ATG7: variants seen among roughly 807,000 people sequenced by gnomAD.
ATG7 encodes the protein ubiquitin-like modifier-activating enzyme ATG7.
Under a neutral mutation model 82.4 loss-of-function variants are expected in ATG7, and 70 were observed. That is an observed-to-expected ratio of 0.85 (90% CI 0.70 to 1.04). The LOEUF is 1.04. Ranked by LOEUF, ATG7 falls within the 50% of genes least tolerant of loss-of-function variation. The probability of loss-of-function intolerance (pLI) is 0.00; values close to 1 mark genes in which losing one functional copy is unlikely to be tolerated. For synonymous variants in ATG7, 287 were observed against 313.0 expected (o/e 0.92, Z 0.88); for missense variants, 792 against 864.3 (o/e 0.92, Z 1.05).
chr3:11,426,847 A>G lies in ATG7; in HGVS notation c.2000A>G (p.Lys667Arg). 6.2e-7 allele frequency: 1 copy of G among 1,611,740 alleles called. No homozygotes were observed. Among genetic ancestry groups the G allele is most frequent in the South Asian group, 1.1e-5 (1 of 90,476 alleles). Residue 667 changes from lysine to arginine, a missense_variant, in exon 20 of 21, where the codon AAG (lysine) becomes AGG (arginine). Coordinates refer to ENST00000693202, the MANE Select transcript of ATG7 (RefSeq NM_001349232.2). Reference sequence around the variant, plus strand: ...CGAGAAGGATTTAACTTCCTAGCCAAGGTGTTTAATTCTTCACATTCCTTC... The same window carrying G: ...CGAGAAGGATTTAACTTCCTAGCCAGGGTGTTTAATTCTTCACATTCCTTC... ...YEREGFNFLA[K>R]VFNSSHSFLE... is the part of the protein sequence containing the mutation.
chr3:11,519,586 GTC>G (rs770260926), intron 20 of ATG7, among the ~76,000 whole-genome samples: 12 of 103,754 alleles, frequency 1.2e-4, no homozygotes, highest in Non-Finnish European at 2.1e-4. Flanking sequence ...TTGAGACGGA[GTC>G]TCTCTCTGTC....
At chr3:11,503,755 C>CAAAAAAAAAA (rs34065629) in intron 20 of ATG7, among the ~76,000 whole-genome samples, 25 of 76,914 alleles carry the variant, frequency 3.3e-4, no homozygotes, top group East Asian at 7.0e-4. Context: ...GACTCTGTCT[C>CAAAAAAAAAA]AAAAAAAAAA....
At chr3:11,558,376 G>A (rs1559848622), downstream of ATG7, 3 of 1,033,886 alleles carry the variant, frequency 2.9e-6, no homozygotes, top group African/African-American at 3.2e-5. Context: ...GGGCCCCCTT[G>A]TACGGATACC....
chr3:11,554,586 C>T (rs2125075263), intron 20 of ATG7, among the ~76,000 whole-genome samples: 1 of 152,294 alleles, frequency 6.6e-6, no homozygotes, highest in Middle Eastern at 3.4e-3. Flanking sequence ...CAGTGCAAAT[C>T]CCAGCCCTCC....
Position 11,347,877 on chromosome 3 carries a change from G to T in ATG7, c.1126G>T (p.Gly376Cys), listed in dbSNP as rs761834298. ...ACCATGATCTCCTGTTTCCACACAGGGTTGGGGCGTGAGACACATCACATT... is the reference window on the plus strand; with the variant it reads ...ACCATGATCTCCTGTTTCCACACAGTGTTGGGGCGTGAGACACATCACATT... Reference protein sequence around the residue: ...LGCNVARTLMGWGVRHITFVD... With the variant: ...LGCNVARTLMCWGVRHITFVD... Residue 376 changes from glycine to cysteine, a missense_variant and splice_region_variant, in exon 14 of 21, where the codon GGT becomes TGT. By Grantham distance (159) the Gly-to-Cys change is radical (BLOSUM62 -3). Transcript: ENST00000693202. The T allele has an allele frequency of 2.9e-5, 46 of 1,613,584 alleles. No individual in the cohort carries two copies. The highest frequency in any genetic ancestry group is 6.7e-5 in the Admixed American group (4 of 59,972).
intron 11 of ATG7, among the ~76,000 whole-genome samples, chr3:11,338,594 C>T (rs1952940248): frequency 6.6e-6 from 1 of 152,150 alleles, no homozygotes; most frequent in Non-Finnish European, 1.5e-5. Context: ...GCTGGAGGAT[C>T]ACTTGAGCCC....
chr3:11,439,263 T>G (rs1366383599), intron 20 of ATG7, among the ~76,000 whole-genome samples: 2 of 151,814 alleles, frequency 1.3e-5, no homozygotes, highest in Non-Finnish European at 2.9e-5. Flanking sequence ...GGGATGGGGT[T>G]TCGCCATGTT....
the ATG7 span, among the ~76,000 whole-genome samples, chr3:11,567,256 A>C: frequency 6.6e-6 from 1 of 152,146 alleles, no homozygotes; most frequent in Non-Finnish European, 1.5e-5. Flanking sequence ...CAGCACACAA[A>C]CAAAAACAAT....
At chr3:11,414,850 GTT>G (rs1323555548) in intron 19 of ATG7, among the ~76,000 whole-genome samples, 2 of 152,180 alleles carry the variant, frequency 1.3e-5, no homozygotes, top group African/African-American at 2.4e-5. Context: ...GGATGTGATG[GTT>G]TATATTGATT....
At chr3:11,471,124 C>A (rs918947991) in intron 20 of ATG7, among the ~76,000 whole-genome samples, 1 of 152,164 alleles carries the variant, frequency 6.6e-6, no homozygotes, top group African/African-American at 2.4e-5. Flanking sequence ...AGCAACCAGG[C>A]GGCCCTTTTG....
At chr3:11,354,210 C>T (rs2075767388) in intron 14 of ATG7, among the ~76,000 whole-genome samples, 2 of 152,162 alleles carry the variant, frequency 1.3e-5, no homozygotes, top group South Asian at 4.1e-4. Context: ...TTGACCCTTT[C>T]CAGGTGCCTT....
Position 11,413,577 on chromosome 3 carries a change from C to A in ATG7, c.1957-13227C>A, listed in dbSNP as rs574682575. On this transcript the variant is annotated intron_variant, in intron 19 of 20. Coordinates refer to ENST00000693202, the MANE Select transcript of ATG7 (RefSeq NM_001349232.2). Reference sequence around the variant, plus strand: ...TGTAGAAAACTGTAAAGATGTCACACAAAAAACTGACTTAATAAATGAATT... The same window carrying A: ...TGTAGAAAACTGTAAAGATGTCACAAAAAAAACTGACTTAATAAATGAATT... Among the ~76,000 whole-genome samples, 23 of 147,418 alleles carry A rather than the reference C, an allele frequency of 1.6e-4. No homozygotes were observed. The South Asian group carries it at 3.9e-3, about 25-fold the overall frequency.
At chr3:11,443,708 G>A (rs2084223903) in intron 20 of ATG7, among the ~76,000 whole-genome samples, 1 of 152,124 alleles carries the variant, frequency 6.6e-6, no homozygotes, top group South Asian at 2.1e-4. Context: ...CCTGGCCGAG[G>A]AGGTTTGTAT....
intron 20 of ATG7, among the ~76,000 whole-genome samples, chr3:11,477,956 T>C (rs1299668866): frequency 6.6e-6 from 1 of 152,212 alleles, no homozygotes; most frequent in Non-Finnish European, 1.5e-5. Flanking sequence ...GTCTCTATCT[T>C]CTACCTTTCA....
At chr3:11,468,313 G>GC (rs11391148) in intron 20 of ATG7, among the ~76,000 whole-genome samples, 128,485 of 151,822 alleles carry the variant, frequency 0.85, 54,566 homozygotes, top group East Asian at 1. Context: ...GGTAAGTGGA[G>GC]CTAGTGGGAG....
At chr3:11,413,175 T>C (rs1415868776) in intron 19 of ATG7, among the ~76,000 whole-genome samples, 1 of 152,192 alleles carries the variant, frequency 6.6e-6, no homozygotes, top group African/African-American at 2.4e-5. Context: ...CTTGACTGAT[T>C]TCTCTGGCTA....
At chr3:11,296,926 A>G (rs762542548) in intron 3 of ATG7, among the ~76,000 whole-genome samples, 2 of 152,220 alleles carry the variant, frequency 1.3e-5, no homozygotes, top group African/African-American at 4.8e-5. Context: ...GTATTTCATT[A>G]TACAGTTTCT....
intron 20 of ATG7, among the ~76,000 whole-genome samples, chr3:11,527,035 GTATA>G (rs201101842): frequency 1.5e-5 from 2 of 130,422 alleles, no homozygotes; most frequent in African/African-American, 6.1e-5. Flanking sequence ...ATGTGTGTGT[GTATA>G]TATGTGTGTG....
chr3:11,484,793 G>A (rs1277815863), intron 20 of ATG7, among the ~76,000 whole-genome samples: 1 of 152,088 alleles, frequency 6.6e-6, no homozygotes, highest in Non-Finnish European at 1.5e-5. Flanking sequence ...AATATGCAGT[G>A]TTTGGTTTTT....
Sources: allele counts gnomAD v4.1 joint callset (sites outside exome capture counted in the v4.1 genomes callset), GRCh38; gene constraint gnomAD v4.1.1; transcripts MANE v1.5; gene names NCBI Gene and HGNC (gene_info 2026-07-23, HGNC 2026-07-21).